GABRA2: variants seen among roughly 807,000 people sequenced by gnomAD.
GABRA2 encodes the protein gamma-aminobutyric acid receptor subunit alpha-2.
A neutral mutation model predicts 48.7 loss-of-function variants in GABRA2; 16 were observed. That is an observed-to-expected ratio of 0.33 (90% confidence interval 0.22 to 0.50). GABRA2 has a LOEUF of 0.50. Among genes scored for constraint, GABRA2 ranks in the 20% least tolerant of loss-of-function variants. The probability of loss-of-function intolerance (pLI) is 0.98; values close to 1 mark genes in which losing one functional copy is unlikely to be tolerated. For synonymous variants in GABRA2, 185 were observed against 184.5 expected (o/e 1.00, Z -0.02); for missense variants, 275 against 535.6 (o/e 0.51, Z 4.80).
chr4:46,304,748 T>C (rs1726353490), intron 7 of GABRA2, among the ~76,000 whole-genome samples: 1 of 151,584 alleles, frequency 6.6e-6, no homozygotes, highest in Non-Finnish European at 1.5e-5. Flanking sequence ...GCCAACAAAG[T>C]GAAACCCCGT....
chr4:46,260,990 G>A (rs1358450840), intron 9 of GABRA2: 1 of 151,782 alleles, frequency 6.6e-6, no homozygotes, highest in African/African-American at 2.4e-5. Context: ...AATCAAATCT[G>A]CAAGTATGTT....
At chr4:46,350,696 T>TA in intron 3 of GABRA2, among the ~76,000 whole-genome samples, 1 of 152,030 alleles carries the variant, frequency 6.6e-6, no homozygotes, top group South Asian at 2.1e-4. Context: ...TGTTCTTTCT[T>TA]ACGTCCTTTC....
chr4:46,383,759 G>A (rs1273789221), intron 3 of GABRA2, among the ~76,000 whole-genome samples: 3 of 152,148 alleles, frequency 2.0e-5, no homozygotes, highest in African/African-American at 7.2e-5. Context: ...AGGAAAGGTA[G>A]AGTTTAGATA....
intron 9 of GABRA2, among the ~76,000 whole-genome samples, chr4:46,255,472 C>A (rs1270030146): frequency 1.3e-5 from 2 of 151,334 alleles, no homozygotes; most frequent in Admixed American, 6.6e-5. Flanking sequence ...CTTGTGGAAG[C>A]TGTTTTACTT....
intron 8 of GABRA2, among the ~76,000 whole-genome samples, chr4:46,270,158 C>G (rs1195125260): frequency 6.6e-6 from 1 of 151,968 alleles, no homozygotes; most frequent in Admixed American, 6.6e-5. Context: ...TATAAATCTA[C>G]TATGAGGCAG....
intron 8 of GABRA2, among the ~76,000 whole-genome samples, chr4:46,287,809 G>A (rs946826775): frequency 6.6e-6 from 1 of 151,958 alleles, no homozygotes; most frequent in Non-Finnish European, 1.5e-5. Context: ...AATCAGTATT[G>A]GTAAAATAGC....
chr4:46,318,709 T>A (rs111307024), intron 4 of GABRA2, among the ~76,000 whole-genome samples: 2,731 of 151,634 alleles, frequency 0.018, 83 homozygotes, highest in African/African-American at 0.062. Flanking sequence ...CTAAAAGAAA[T>A]TAATAATAAA....
Position 46,340,437 on chromosome 4 carries a change from CTTATT to C in GABRA2, c.188-7760_188-7756del, listed in dbSNP as rs369393284. On this transcript the variant is annotated intron_variant, in intron 3 of 9. Transcript: ENST00000381620. The stretch of plus-strand genomic sequence containing the variant: ...TTCAGTTTCTGTTTCTATGGATTTG[CTTATT>C]TTGAAAATTTTATTATAAATTAAAT... Among the ~76,000 whole-genome samples the C allele has an allele frequency of 6.3e-3, 953 of 151,952 alleles. 11 individuals carry two copies. The highest frequency in any genetic ancestry group is 0.021 in the African/African-American group (881 of 41,506).
intron 8 of GABRA2, among the ~76,000 whole-genome samples, chr4:46,294,460 T>G (rs1021208596): frequency 6.6e-6 from 1 of 152,184 alleles, no homozygotes; most frequent in Non-Finnish European, 1.5e-5. Context: ...AGACAACACA[T>G]TCCTCATTTA....
At chr4:46,250,678 A>G in intron 9 of GABRA2, 74 bp from the exon 10 acceptor site, 1 of 1,112,920 alleles carries the variant, frequency 9.0e-7, no homozygotes, top group Non-Finnish European at 1.3e-6. Flanking sequence ...TCCACTTCAA[A>G]TTCTGAAGGA....
chr4:46,286,731 G>A (rs1041831826), intron 8 of GABRA2, among the ~76,000 whole-genome samples: 4 of 151,948 alleles, frequency 2.6e-5, no homozygotes, highest in Non-Finnish European at 5.9e-5. Context: ...GTGCTTATAT[G>A]TCAGTTGTAT....
At chr4:46,267,577 C>T (rs187173974) in intron 8 of GABRA2, among the ~76,000 whole-genome samples, 93 of 151,934 alleles carry the variant, frequency 6.1e-4, no homozygotes, top group African/African-American at 2.1e-3. Context: ...TGTGGCAAAT[C>T]TGGAAATCAG....
chr4:46,336,893 C>T lies in GABRA2; in HGVS notation c.188-4211G>A, dbSNP rs898193452. 6.6e-5 allele frequency among the ~76,000 whole-genome samples: 10 copies of T among 151,956 alleles called. No individual in the cohort carries two copies. In the East Asian group the frequency reaches 1.9e-3, roughly 29 times the overall value. ...ACTGATTCATAGAAAAAATAAATGG[C>T]CTGAAAAGATATCCAAAATGCACGT... is the stretch of plus-strand genomic sequence containing the variant. On this transcript the variant is annotated intron_variant, in intron 3 of 9. Transcript: ENST00000381620.
At chr4:46,263,175 C>T (rs1560445056) in intron 8 of GABRA2, among the ~76,000 whole-genome samples, 1 of 151,530 alleles carries the variant, frequency 6.6e-6, no homozygotes, top group East Asian at 1.9e-4. Flanking sequence ...AAAGGTAATA[C>T]AAAAAAAGTT....
chr4:46,386,101 C>T lies in GABRA2; in HGVS notation c.160G>A (p.Asp54Asn). ...RILDRLLDGY[D>N]NRLRPGLGDS... ...CCCAGTCCTGGTCTAAGCCGATTATCGTAACCATCCAGAAGTCTGTCAAGA... is the reference window on the plus strand; with the variant it reads ...CCCAGTCCTGGTCTAAGCCGATTATTGTAACCATCCAGAAGTCTGTCAAGA... Residue 54 changes from aspartate (D) to asparagine (N), a missense_variant, in exon 3 of 10, where the codon GAT (aspartate) becomes AAT (asparagine). Coordinates refer to ENST00000381620, the MANE Select transcript of GABRA2 (RefSeq NM_000807.4). The T allele has an allele frequency of 1.2e-6, 2 of 1,610,760 alleles. No individual in the cohort carries two copies. Among genetic ancestry groups the T allele is most frequent in the Non-Finnish European group, 1.7e-6 (2 of 1,178,098 alleles).
intron 8 of GABRA2, among the ~76,000 whole-genome samples, chr4:46,293,864 T>TG (rs1347456954): frequency 6.6e-6 from 1 of 152,224 alleles, no homozygotes; most frequent in African/African-American, 2.4e-5. Context: ...ATTTGGCCTG[T>TG]GCAGAAGACA....
intron 8 of GABRA2, among the ~76,000 whole-genome samples, chr4:46,265,353 A>ATC (rs1389201406): frequency 4.3e-5 from 2 of 46,656 alleles, no homozygotes; most frequent in Non-Finnish European, 7.8e-5. Context: ...TTATATATGT[A>ATC]TCTGTGTGTG....
chr4:46,375,573 C>T (rs1715571848), intron 3 of GABRA2, among the ~76,000 whole-genome samples: 1 of 152,292 alleles, frequency 6.6e-6, no homozygotes, highest in South Asian at 2.1e-4. Flanking sequence ...CTGCTACAGA[C>T]ATAGAAAAAT....
chr4:46,326,472 A>T (rs1458463214), intron 4 of GABRA2, among the ~76,000 whole-genome samples: 1 of 151,426 alleles, frequency 6.6e-6, no homozygotes, highest in East Asian at 1.9e-4. Context: ...ACTGCATCTG[A>T]TAAGGAATAA....
Sources: gnomAD v4.1 joint callset for allele counts (sites outside exome capture counted in the v4.1 genomes callset) on GRCh38, gnomAD v4.1.1 for gene constraint, MANE v1.5 for transcripts, NCBI Gene and HGNC (gene_info 2026-07-23, HGNC 2026-07-21) for gene names.